The following INSL6 variants were observed in gnomAD, a reference collection of about 807,000 sequenced individuals.
INSL6 encodes the protein insulin-like peptide INSL6.
In INSL6, 16 loss-of-function variants were observed where a neutral mutation model predicts 9.4. The ratio of observed to expected loss-of-function variants is 1.70; its 90% CI spans 1.15 to 2.59. The LOEUF is 2.59. INSL6 is among the 30% of genes most tolerant of loss of function. INSL6 has a pLI of 0.00. For synonymous variants in INSL6, 154 were observed against 96.9 expected (o/e 1.59, Z -3.46); for missense variants, 391 against 257.3 (o/e 1.52, Z -3.56).
intron 2 of INSL6, among the ~76,000 whole-genome samples, chr9:5,134,006 C>A (rs186880169): frequency 9.3e-4 from 141 of 152,226 alleles, no homozygotes; most frequent in Non-Finnish European, 1.7e-3. Flanking sequence ...ACATAAATGA[C>A]ATAATGGAGC....
chr9:5,055,326 T>A, the INSL6 span, among the ~76,000 whole-genome samples: 5 of 152,038 alleles, frequency 3.3e-5, no homozygotes, highest in African/African-American at 1.2e-4. Context: ...GTTCATAGAT[T>A]GTTACTAGAG....
At chr9:5,119,676 G>C (rs774065759), downstream of INSL6, among the ~76,000 whole-genome samples, 1 of 152,116 alleles carries the variant, frequency 6.6e-6, no homozygotes, top group Non-Finnish European at 1.5e-5. Context: ...CATTCCTTCA[G>C]TAAATGTGTT....
At chr9:5,003,894 A>G in the INSL6 span, among the ~76,000 whole-genome samples, 1 of 152,078 alleles carries the variant, frequency 6.6e-6, no homozygotes. Context: ...AGATTTTAAA[A>G]TCATGAACAT....
At chr9:5,012,795 G>A in the INSL6 span, among the ~76,000 whole-genome samples, 3 of 152,200 alleles carry the variant, frequency 2.0e-5, no homozygotes, top group Non-Finnish European at 4.4e-5. Flanking sequence ...GTTGTATGAT[G>A]AGGTTGGAGA....
At chr9:5,018,403 A>G in the INSL6 span, among the ~76,000 whole-genome samples, 1 of 152,020 alleles carries the variant, frequency 6.6e-6, no homozygotes, top group Non-Finnish European at 1.5e-5. Flanking sequence ...TGGTGTGATC[A>G]TGGCTCACTG....
chr9:5,036,697 A>G, the INSL6 span, among the ~76,000 whole-genome samples: 1 of 152,216 alleles, frequency 6.6e-6, no homozygotes, highest in Non-Finnish European at 1.5e-5. Context: ...CTTACACCTT[A>G]TACAAAAATT....
chr9:5,000,636 AT>A, the INSL6 span, among the ~76,000 whole-genome samples: 15 of 152,124 alleles, frequency 9.9e-5, no homozygotes, highest in African/African-American at 3.6e-4. Context: ...ATCATGGCCA[AT>A]TTTTATAAAT....
At chr9:5,129,570 C>A (rs1824210678) in intron 3 of INSL6, among the ~76,000 whole-genome samples, 1 of 151,984 alleles carries the variant, frequency 6.6e-6, no homozygotes. Context: ...TAAATAGTAA[C>A]AGTAAGTCAG....
the INSL6 span, among the ~76,000 whole-genome samples, chr9:5,037,717 G>A: frequency 6.6e-6 from 1 of 152,176 alleles, no homozygotes; most frequent in Non-Finnish European, 1.5e-5. Flanking sequence ...GGGGTGGGGG[G>A]ATGGAGGAGG....
intron 1 of INSL6, among the ~76,000 whole-genome samples, chr9:5,179,408 G>A (rs1825393468): frequency 6.6e-6 from 1 of 151,928 alleles, no homozygotes; most frequent in African/African-American, 2.4e-5. Flanking sequence ...ACTGTTGGTA[G>A]GGTTCAACCA....
rs189100035 is a variant in INSL6, at chr9:5,137,057, C to T, written c.377-3465G>A. Reference sequence around the variant, plus strand: ...ATAAAATACCCAGGAATCCAACTTACAAGGGATGTGAAGGACCTCTTCAAG... The same window carrying T: ...ATAAAATACCCAGGAATCCAACTTATAAGGGATGTGAAGGACCTCTTCAAG... On this transcript the variant is annotated intron_variant, in intron 2 of 3. Transcript: ENST00000649639. Among the ~76,000 whole-genome samples the T allele has an allele frequency of 2.6e-5, 4 of 152,220 alleles. No homozygotes were observed. The East Asian group carries it at 7.7e-4, about 29-fold the overall frequency.
chr9:5,077,638 A>G, the INSL6 span: 8 of 1,113,830 alleles, frequency 7.2e-6, no homozygotes, highest in Non-Finnish European at 9.7e-6. Context: ...AACAATATAC[A>G]AATTATCTTT....
At chr9:5,088,542 CAA>C in the INSL6 span, among the ~76,000 whole-genome samples, 266 of 150,030 alleles carry the variant, frequency 1.8e-3, no homozygotes, top group Non-Finnish European at 2.4e-3. Flanking sequence ...AAGACATCTT[CAA>C]AAAAAAAAAT....
chr9:5,029,878 A>C, the INSL6 span: 2 of 1,612,670 alleles, frequency 1.2e-6, no homozygotes, highest in Non-Finnish European at 1.7e-6. Flanking sequence ...AGATGAGTCA[A>C]CCAGGCATAA....
chr9:5,139,383 G>A (rs541026482), intron 2 of INSL6, among the ~76,000 whole-genome samples: 5 of 152,264 alleles, frequency 3.3e-5, no homozygotes, highest in South Asian at 2.1e-4. Flanking sequence ...CTTTGTAGAA[G>A]GAGCAATGTA....
chr9:5,116,369 T>C, the INSL6 span, among the ~76,000 whole-genome samples: 58,766 of 152,036 alleles, frequency 0.39, 14,783 homozygotes, highest in African/African-American at 0.72. Flanking sequence ...ATAATAAATA[T>C]TAAAAATACT....
chr9:5,166,370 T>C (rs1465968966), intron 1 of INSL6, among the ~76,000 whole-genome samples: 1 of 152,192 alleles, frequency 6.6e-6, no homozygotes, highest in Admixed American at 6.5e-5. Context: ...GTTAGAGGCC[T>C]ATTAGAGCAC....
At chr9:5,004,264 T>C in the INSL6 span, among the ~76,000 whole-genome samples, 1 of 152,286 alleles carries the variant, frequency 6.6e-6, no homozygotes, top group Non-Finnish European at 1.5e-5. Context: ...TCGTATCCTT[T>C]GACCAACGTC....
chr9:5,117,894 G>C, the INSL6 span, among the ~76,000 whole-genome samples: 3 of 152,110 alleles, frequency 2.0e-5, no homozygotes, highest in East Asian at 1.9e-4. Flanking sequence ...GAGGATCTAG[G>C]CCACTGGTTT....
Sources: gnomAD v4.1 joint callset for allele counts (sites outside exome capture counted in the v4.1 genomes callset) on GRCh38, gnomAD v4.1.1 for gene constraint, MANE v1.5 for transcripts, NCBI Gene and HGNC (gene_info 2026-07-23, HGNC 2026-07-21) for gene names.